Variants in ZNF804B observed in about 807,000 individuals in gnomAD.
ZNF804B encodes the protein zinc finger 804B.
A neutral mutation model predicts 101.4 loss-of-function variants in ZNF804B; 80 were observed. The observed-to-expected ratio is 0.79, with a 90% CI of 0.66 to 0.95. The LOEUF (loss-of-function observed/expected upper bound fraction) is 0.95, where lower values mean the gene tolerates loss of function less well. ZNF804B is among the 40% of genes least tolerant of loss of function. The pLI is 0.00. For synonymous variants in ZNF804B, 622 were observed against 558.8 expected (o/e 1.11, Z -1.59); for missense variants, 1,673 against 1,561.9 (o/e 1.07, Z -1.20).
At chr7:89,259,777 AT>A (rs1436253284) in intron 2 of ZNF804B, among the ~76,000 whole-genome samples, 2 of 152,220 alleles carry the variant, frequency 1.3e-5, no homozygotes, top group African/African-American at 4.8e-5. Context: ...GAAGTCAGGA[AT>A]TCAAGACCAT....
At chr7:88,854,476 T>TTTCTTTCTTTCTTTCTTTCTTTCTTTCC (rs1554340148) in intron 1 of ZNF804B, among the ~76,000 whole-genome samples, 2 of 48,718 alleles carry the variant, frequency 4.1e-5, no homozygotes, top group East Asian at 5.7e-4. Context: ...TCTTTCTTTC[T>TTTCTTTCTTTCTTTCTTTCTTTCTTTCC]CTTTCCTTTC....
chr7:89,048,608 G>C (rs1324714045), intron 1 of ZNF804B, among the ~76,000 whole-genome samples: 1 of 151,806 alleles, frequency 6.6e-6, no homozygotes, highest in East Asian at 1.9e-4. Flanking sequence ...CCTTAATTCA[G>C]TTACCTTAAT....
At chr7:89,323,853 A>G (rs188597037) in intron 2 of ZNF804B, among the ~76,000 whole-genome samples, 15 of 152,240 alleles carry the variant, frequency 9.9e-5, no homozygotes, top group Non-Finnish European at 2.2e-4. Flanking sequence ...CCCTCAAAGA[A>G]CATTTTCCTT....
chr7:88,969,858 T>G (rs1207198651), intron 1 of ZNF804B, among the ~76,000 whole-genome samples: 1 of 151,646 alleles, frequency 6.6e-6, no homozygotes, highest in East Asian at 2.0e-4. Flanking sequence ...GCATAAATAT[T>G]AGGGGTTTAA....
chr7:88,879,983 G>A (rs1792008591), intron 1 of ZNF804B, among the ~76,000 whole-genome samples: 2 of 151,804 alleles, frequency 1.3e-5, no homozygotes, highest in Non-Finnish European at 2.9e-5. Context: ...AGATTGCAGT[G>A]AGCCAAGATC....
chr7:88,845,726 A>G (rs1345540586), intron 1 of ZNF804B, among the ~76,000 whole-genome samples: 3 of 151,990 alleles, frequency 2.0e-5, no homozygotes, highest in African/African-American at 7.3e-5. Flanking sequence ...CATCTCTAAA[A>G]TCTTCCCTGA....
chr7:89,031,318 G>A (rs569431365), intron 1 of ZNF804B, among the ~76,000 whole-genome samples: 81 of 149,916 alleles, frequency 5.4e-4, no homozygotes, highest in Admixed American at 8.0e-4. Flanking sequence ...TACCCTTTGC[G>A]CACGGCCCCT....
intron 2 of ZNF804B, among the ~76,000 whole-genome samples, chr7:89,305,184 C>G (rs1790542384): frequency 6.6e-6 from 1 of 151,900 alleles, no homozygotes; most frequent in East Asian, 1.9e-4. Context: ...GTACATAGTA[C>G]TTTGAAGTCA....
intron 1 of ZNF804B, among the ~76,000 whole-genome samples, chr7:88,868,312 A>G (rs551262056): frequency 6.6e-6 from 1 of 152,254 alleles, no homozygotes; most frequent in South Asian, 2.1e-4. Flanking sequence ...CAGCTCATGA[A>G]CCAACTGGGC....
intron 2 of ZNF804B, among the ~76,000 whole-genome samples, chr7:89,295,418 A>C (rs1790366544): frequency 6.6e-6 from 1 of 152,102 alleles, no homozygotes; most frequent in Non-Finnish European, 1.5e-5. Flanking sequence ...AATTTTTCTC[A>C]CCATGAAGAC....
At chr7:88,995,826 G>A (rs565863208) in intron 1 of ZNF804B, among the ~76,000 whole-genome samples, 4 of 152,106 alleles carry the variant, frequency 2.6e-5, no homozygotes, top group Admixed American at 2.0e-4. Context: ...GTTGTTATGA[G>A]AATTTTTACC....
At chr7:88,810,691 G>A (rs972293431) in intron 1 of ZNF804B, among the ~76,000 whole-genome samples, 1 of 151,230 alleles carries the variant, frequency 6.6e-6, no homozygotes, top group Non-Finnish European at 1.5e-5. Flanking sequence ...GCATAAAAAA[G>A]TATTAAAGCG....
chr7:88,953,398 T>G (rs1370015615), intron 1 of ZNF804B, among the ~76,000 whole-genome samples: 2 of 151,832 alleles, frequency 1.3e-5, no homozygotes, highest in African/African-American at 4.8e-5. Flanking sequence ...ACCCTCCAGT[T>G]AACACCTATC....
At chr7:88,870,256 G>A (rs1791798694) in intron 1 of ZNF804B, among the ~76,000 whole-genome samples, 5 of 150,802 alleles carry the variant, frequency 3.3e-5, no homozygotes, top group African/African-American at 4.9e-5. Flanking sequence ...ATGGTGGCGC[G>A]CGCCTGTAGT....
At chr7:89,302,560 A>G (rs1790493011) in intron 2 of ZNF804B, among the ~76,000 whole-genome samples, 2 of 151,942 alleles carry the variant, frequency 1.3e-5, no homozygotes, top group South Asian at 4.1e-4. Context: ...GATCACAGAG[A>G]AGGAGAGATG....
chr7:89,083,434 A>G (rs1256522217), intron 1 of ZNF804B, among the ~76,000 whole-genome samples: 1 of 141,614 alleles, frequency 7.1e-6, no homozygotes, highest in Non-Finnish European at 1.6e-5. Flanking sequence ...GGGAATGTCT[A>G]TAATGTTAGT....
chr7:88,861,266 A>G (rs1791640081), intron 1 of ZNF804B, among the ~76,000 whole-genome samples: 1 of 152,202 alleles, frequency 6.6e-6, no homozygotes, highest in African/African-American at 2.4e-5. Flanking sequence ...GTCATGTATT[A>G]GGCATTATTA....
At chr7:89,181,021 C>G (rs1033547656) in intron 1 of ZNF804B, among the ~76,000 whole-genome samples, 1 of 151,474 alleles carries the variant, frequency 6.6e-6, no homozygotes, top group Non-Finnish European at 1.5e-5. Context: ...CCTTAAAACT[C>G]TGCCTGGTAC....
At chr7:89,174,649 T>A (rs1791291095) in intron 1 of ZNF804B, among the ~76,000 whole-genome samples, 1 of 152,032 alleles carries the variant, frequency 6.6e-6, no homozygotes, top group Admixed American at 6.5e-5. Context: ...TAGTTCTATT[T>A]TTGCTTTTTT....
Sources: allele counts gnomAD v4.1 joint callset (sites outside exome capture counted in the v4.1 genomes callset), GRCh38; gene constraint gnomAD v4.1.1; transcripts MANE v1.5; gene names NCBI Gene and HGNC (gene_info 2026-07-23, HGNC 2026-07-21).